SELENOF: variants seen among roughly 807,000 people sequenced by gnomAD.
The protein encoded by SELENOF is selenoprotein F, also known as 15 kDa selenoprotein.
Under a neutral mutation model 20.5 loss-of-function variants are expected in SELENOF, and 16 were observed. That is an observed-to-expected ratio of 0.78 (90% CI 0.53 to 1.19). The LOEUF (loss-of-function observed/expected upper bound fraction) is 1.19, where lower values mean the gene tolerates loss of function less well. Among genes scored for constraint, SELENOF ranks in the 50% most tolerant of loss-of-function variants. SELENOF has a pLI of 0.00. For synonymous variants in SELENOF, 78 were observed against 74.5 expected (o/e 1.05, Z -0.24); for missense variants, 215 against 194.2 (o/e 1.11, Z -0.64).
chr1:86,863,919 A>T (rs766527269), intron 4 of SELENOF, among the ~76,000 whole-genome samples: 4 of 152,138 alleles, frequency 2.6e-5, no homozygotes, highest in Non-Finnish European at 5.9e-5. Context: ...ATTTCAAGTG[A>T]TCCTCCCACC....
At chr1:86,882,536 AC>A (rs200747243) in intron 2 of SELENOF, among the ~76,000 whole-genome samples, 3,532 of 151,802 alleles carry the variant, frequency 0.023, 63 homozygotes, top group Middle Eastern at 0.041. Flanking sequence ...AGAAATTGGA[AC>A]CCTTGTACAC....
intron 2 of SELENOF, among the ~76,000 whole-genome samples, chr1:86,901,620 T>C (rs1311504544): frequency 6.6e-6 from 1 of 152,314 alleles, no homozygotes; most frequent in Admixed American, 6.5e-5. Context: ...ATATATTAAT[T>C]GGCAGATCTA....
In SELENOF at chr1:86,914,077, A is replaced by G. The variant is rs760681773; in HGVS notation, c.35T>C (p.Leu12Pro). ...CAACCGTAGCCCAAACGCCGGCACC[A>G]GACACCCACTCGGCCCAGCCGCCAT... is the stretch of plus-strand genomic sequence containing the variant. ...VAMAAGPSGC[L>P]VPAFGLRLLL... The change falls in exon 1 of 5, where the codon CTG becomes CCG. Residue 12 changes from leucine to proline, a missense_variant. Leu to Pro is a moderately conservative substitution (Grantham distance 98). Coordinates refer to ENST00000331835, the MANE Select transcript of SELENOF (RefSeq NM_004261.5). The G allele has an allele frequency of 3.1e-6, 5 of 1,613,978 alleles. No homozygotes were observed. The South Asian group carries it at 3.3e-5, about 11-fold the overall frequency.
chr1:86,909,515 C>T (rs941094806), intron 1 of SELENOF, among the ~76,000 whole-genome samples: 2 of 152,246 alleles, frequency 1.3e-5, no homozygotes, highest in South Asian at 2.1e-4. Flanking sequence ...GGGCCATTTA[C>T]GCTTCAGAGG....
At chr1:86,892,426 C>T (rs1659414141) in intron 2 of SELENOF, among the ~76,000 whole-genome samples, 1 of 152,148 alleles carries the variant, frequency 6.6e-6, no homozygotes, top group Non-Finnish European at 1.5e-5. Context: ...TGTACTGATG[C>T]TTACAGACAC....
intron 1 of SELENOF, among the ~76,000 whole-genome samples, chr1:86,906,706 T>G (rs1659836064): frequency 6.6e-6 from 1 of 152,206 alleles, no homozygotes; most frequent in Admixed American, 6.5e-5. Context: ...ACTAGACATG[T>G]GAGTAAACCA....
Position 86,863,549 on chromosome 1 carries a change from A to C in SELENOF, c.423T>G (p.Ala141=), listed in dbSNP as rs778619509. ...LKLLDDNGNI[A]EELSILKWNT... ...TCCATTTGAGAATGCTCAGTTCTTC[A>C]GCAATGTTCCCATTGTCGTCCAAAA... The change falls in exon 5 of 5, where the codon GCT becomes GCG. Residue 141 remains alanine, a synonymous_variant. Transcript: ENST00000331835. 6.2e-7 allele frequency: 1 copy of C among 1,613,620 alleles called. No homozygotes were observed. Among genetic ancestry groups the C allele is most frequent in the Non-Finnish European group, 8.5e-7 (1 of 1,179,592 alleles).
At chr1:86,893,033 A>C (rs1659427988) in intron 2 of SELENOF, among the ~76,000 whole-genome samples, 1 of 152,186 alleles carries the variant, frequency 6.6e-6, no homozygotes. Flanking sequence ...TGGGGGCTCT[A>C]GAATCAAATA....
chr1:86,901,295 C>G (rs1395631050), intron 2 of SELENOF, among the ~76,000 whole-genome samples: 1 of 152,056 alleles, frequency 6.6e-6, no homozygotes, highest in African/African-American at 2.4e-5. Flanking sequence ...TAGATTAAAT[C>G]TAGCACTATT....
chr1:86,899,914 C>T (rs1162104975), intron 2 of SELENOF, among the ~76,000 whole-genome samples: 10 of 127,822 alleles, frequency 7.8e-5, no homozygotes, highest in East Asian at 2.6e-4. Context: ...CAGACGGGGT[C>T]GCGGCCGGGC....
intron 3 of SELENOF, among the ~76,000 whole-genome samples, chr1:86,879,810 C>T (rs559139): frequency 0.12 from 17,625 of 152,140 alleles, 1,637 homozygotes; most frequent in African/African-American, 0.25. Flanking sequence ...GGATGTCAAC[C>T]CAAAGAATAT....
At chr1:86,904,478 A>G (rs1231904138) in intron 1 of SELENOF, among the ~76,000 whole-genome samples, 2 of 152,088 alleles carry the variant, frequency 1.3e-5, no homozygotes, top group East Asian at 3.9e-4. Context: ...TTTTTTACCT[A>G]TCAGTGAATG....
At chr1:86,893,531 T>C (rs1570395801) in intron 2 of SELENOF, among the ~76,000 whole-genome samples, 1 of 144,106 alleles carries the variant, frequency 6.9e-6, no homozygotes, top group East Asian at 1.9e-4. Context: ...GGCTGGGGAA[T>C]TGCTTGAAAC....
At position 86,909,354 on chromosome 1, in the gene SELENOF, T is replaced by A. The variant is rs143455726; in HGVS notation, c.84+4674A>T. ...ACATGAATAAACCTTAGGGAAGTTA[T>A]AACAGTTCAATAAGGGTGAATTGTC... On this transcript the variant is annotated intron_variant, in intron 1 of 4. Coordinates refer to ENST00000331835, the MANE Select transcript of SELENOF (RefSeq NM_004261.5). Among the ~76,000 whole-genome samples, 1,148 of 152,326 alleles carry A rather than the reference T, an allele frequency of 7.5e-3. 15 individuals are homozygous for A. Among genetic ancestry groups the A allele is most frequent in the Middle Eastern group, 0.02 (6 of 294 alleles).
At chr1:86,911,319 G>A (rs570133459) in intron 1 of SELENOF, among the ~76,000 whole-genome samples, 5 of 152,296 alleles carry the variant, frequency 3.3e-5, no homozygotes, top group African/African-American at 7.2e-5. Flanking sequence ...GCTGGGAAGC[G>A]GCTTGTAGGT....
chr1:86,905,482 G>T (rs1008570142), intron 1 of SELENOF, among the ~76,000 whole-genome samples: 4 of 152,086 alleles, frequency 2.6e-5, no homozygotes, highest in African/African-American at 9.7e-5. Flanking sequence ...AAAAAAATCA[G>T]ATCTCAATCA....
chr1:86,893,140 T>A (rs1659431306), intron 2 of SELENOF, among the ~76,000 whole-genome samples: 2 of 152,142 alleles, frequency 1.3e-5, no homozygotes, highest in South Asian at 4.1e-4. Flanking sequence ...GATAATAGTA[T>A]TTACATTATA....
chr1:86,904,931 T>C (rs1659792051), intron 1 of SELENOF, among the ~76,000 whole-genome samples: 1 of 152,246 alleles, frequency 6.6e-6, no homozygotes. Context: ...GCTTCAGATA[T>C]GCATTTATTG....
intron 3 of SELENOF, among the ~76,000 whole-genome samples, chr1:86,878,661 G>A (rs1019283252): frequency 6.6e-6 from 1 of 152,114 alleles, no homozygotes; most frequent in Non-Finnish European, 1.5e-5. Context: ...CAGTGTGGGC[G>A]ACAGTGAGAC....
Sources: allele counts gnomAD v4.1 joint callset (sites outside exome capture counted in the v4.1 genomes callset), GRCh38; gene constraint gnomAD v4.1.1; transcripts MANE v1.5; gene names NCBI Gene and HGNC (gene_info 2026-07-23, HGNC 2026-07-21).